Variants in NCAM1 observed in about 807,000 individuals in gnomAD.
NCAM1 encodes the protein neural cell adhesion molecule 1.
A neutral mutation model predicts 109.8 loss-of-function variants in NCAM1; 14 were observed. The ratio of observed to expected loss-of-function variants is 0.13; its 90% CI spans 0.08 to 0.20. NCAM1 has a LOEUF of 0.20. NCAM1 is among the 10% of genes least tolerant of loss of function. The probability of loss-of-function intolerance (pLI) is 1.00; values close to 1 mark genes in which losing one functional copy is unlikely to be tolerated. For synonymous variants in NCAM1, 418 were observed against 442.9 expected, an observed-to-expected ratio of 0.94 and a Z score of 0.70; for missense variants, 774 against 1,109.9, an observed-to-expected ratio of 0.70 and a Z score of 4.30.
At chr11:113,234,420 C>G (rs1369945637) in intron 13 of NCAM1, among the ~76,000 whole-genome samples, 8 of 152,168 alleles carry the variant, frequency 5.3e-5, no homozygotes, top group African/African-American at 1.9e-4. Flanking sequence ...AACTGAAACT[C>G]TGTACCCATT....
At chr11:113,062,782 G>A (rs956456663) in intron 1 of NCAM1, among the ~76,000 whole-genome samples, 1 of 152,036 alleles carries the variant, frequency 6.6e-6, no homozygotes, top group Admixed American at 6.6e-5. Context: ...GACCAGTCTG[G>A]GCAACATATT....
chr11:113,275,282 A>G lies in NCAM1; in HGVS notation c.2472A>G (p.Glu824=), dbSNP rs782305861. 1 of 1,613,810 alleles carries G rather than the reference A, an allele frequency of 6.2e-7. No individual in the cohort carries two copies. Among genetic ancestry groups the G allele is most frequent in the East Asian group, 2.2e-5 (1 of 44,874 alleles). The change falls in exon 20 of 20, where the codon GAA becomes GAG. Residue 824 remains glutamate, a synonymous_variant. Transcript: ENST00000316851. Reference sequence around the variant, plus strand: ...TTCTCTGCAGGAAGGGCCCCGTAGAAGCAAAGCCAGAGTGCCAGGAGACAG... The same window carrying G: ...TTCTCTGCAGGAAGGGCCCCGTAGAGGCAAAGCCAGAGTGCCAGGAGACAG... ...PLTEPEKGPV[E]AKPECQETET...
intron 1 of NCAM1, among the ~76,000 whole-genome samples, chr11:113,071,713 C>T (rs186955342): frequency 1.9e-3 from 293 of 152,300 alleles, no homozygotes; most frequent in South Asian, 9.3e-3. Flanking sequence ...GCGTGGGCCA[C>T]CATGCCCCCA....
chr11:113,164,861 G>T (rs1353603412), intron 1 of NCAM1, among the ~76,000 whole-genome samples: 1 of 152,106 alleles, frequency 6.6e-6, no homozygotes, highest in African/African-American at 2.4e-5. Flanking sequence ...AGGCTGTAGA[G>T]CAGGGCTGAA....
At chr11:113,006,803 G>T (rs1255885342) in intron 1 of NCAM1, among the ~76,000 whole-genome samples, 4 of 152,140 alleles carry the variant, frequency 2.6e-5, no homozygotes, top group African/African-American at 9.7e-5. Flanking sequence ...TCCAGCCGTG[G>T]GACAGGTGGT....
intron 1 of NCAM1, among the ~76,000 whole-genome samples, chr11:113,089,624 T>C (rs1939250104): frequency 6.6e-6 from 1 of 152,084 alleles, no homozygotes; most frequent in South Asian, 2.1e-4. Flanking sequence ...CTTTCCTGAC[T>C]TTAGGGTGGA....
Position 113,169,237 on chromosome 11 carries a change from C to T in NCAM1, c.53-33142C>T, listed in dbSNP as rs568722207. Among the ~76,000 whole-genome samples, 8 of 152,232 alleles carry T rather than the reference C, an allele frequency of 5.3e-5. No homozygotes were observed. In the South Asian group the frequency reaches 1.0e-3, roughly 20 times the overall value. On this transcript the variant is annotated intron_variant, in intron 1 of 19. Transcript: ENST00000316851. ...GTGGTTTAATGGGCAGCTAGACAGACGTGTTTGCCCACGTTATGAGGCTAG... is the reference window on the plus strand; with the variant it reads ...GTGGTTTAATGGGCAGCTAGACAGATGTGTTTGCCCACGTTATGAGGCTAG...
At chr11:113,072,826 T>TTA (rs1555085521) in intron 1 of NCAM1, among the ~76,000 whole-genome samples, 1 of 151,684 alleles carries the variant, frequency 6.6e-6, no homozygotes, top group African/African-American at 2.4e-5. Flanking sequence ...GTTTTTTATT[T>TTA]TTTTTTTCAT....
chr11:113,067,107 T>A (rs1938002341), intron 1 of NCAM1, among the ~76,000 whole-genome samples: 1 of 152,108 alleles, frequency 6.6e-6, no homozygotes, highest in Admixed American at 6.6e-5. Flanking sequence ...TGATTGCTGG[T>A]TTCTTTCCAC....
chr11:113,097,948 C>G (rs892580334), intron 1 of NCAM1, among the ~76,000 whole-genome samples: 10 of 152,126 alleles, frequency 6.6e-5, no homozygotes, highest in African/African-American at 2.4e-4. Flanking sequence ...ATAGCTGAAG[C>G]TTATGCTACC....
intron 14 of NCAM1, among the ~76,000 whole-genome samples, chr11:113,244,306 CT>C (rs1945433525): frequency 2.0e-5 from 3 of 152,182 alleles, no homozygotes; most frequent in African/African-American, 7.2e-5. Context: ...TGTCTCTCCC[CT>C]GACATGTCTT....
At chr11:113,054,544 A>G (rs1363358919) in intron 1 of NCAM1, among the ~76,000 whole-genome samples, 1 of 152,144 alleles carries the variant, frequency 6.6e-6, no homozygotes, top group Non-Finnish European at 1.5e-5. Flanking sequence ...CTCAGAAATT[A>G]CTTATAGCCT....
intron 15 of NCAM1, among the ~76,000 whole-genome samples, chr11:113,253,341 C>T (rs1224249094): frequency 6.6e-6 from 1 of 152,162 alleles, no homozygotes; most frequent in Admixed American, 6.5e-5. Flanking sequence ...TGGAGTGCAT[C>T]TCCCTAAAAT....
intron 1 of NCAM1, among the ~76,000 whole-genome samples, chr11:113,199,581 C>A (rs528942700): frequency 3.7e-5 from 5 of 135,034 alleles, no homozygotes; most frequent in Non-Finnish European, 7.7e-5. Flanking sequence ...ATAACTCTTC[C>A]TTTAAAAACT....
chr11:113,272,901 T>G, intron 19 of NCAM1: 1 of 456,670 alleles, frequency 2.2e-6, no homozygotes, highest in Non-Finnish European at 4.4e-6. Flanking sequence ...AGCTTCATTG[T>G]CTATTCTCTT....
At chr11:113,063,984 T>A (rs1009060264) in intron 1 of NCAM1, among the ~76,000 whole-genome samples, 4 of 152,260 alleles carry the variant, frequency 2.6e-5, no homozygotes, top group African/African-American at 9.6e-5. Flanking sequence ...CCAAATGTAG[T>A]CATATTTCTT....
chr11:113,262,806 AC>A, intron 17 of NCAM1: 2 of 1,608,232 alleles, frequency 1.2e-6, no homozygotes, highest in Non-Finnish European at 1.7e-6. Flanking sequence ...TTTTTAAACA[AC>A]CACATTATCT....
chr11:112,964,265 G>C (rs559177788), intron 1 of NCAM1, among the ~76,000 whole-genome samples: 19 of 150,390 alleles, frequency 1.3e-4, no homozygotes, highest in Admixed American at 2.0e-4. Flanking sequence ...ACCTTAATAC[G>C]TCAAGTGAGT....
chr11:113,019,547 T>C (rs369146957), intron 1 of NCAM1, among the ~76,000 whole-genome samples: 4 of 152,318 alleles, frequency 2.6e-5, no homozygotes, highest in East Asian at 1.9e-4. Context: ...CCTCTATCCA[T>C]CCTTAAATGC....
Sources: allele counts gnomAD v4.1 joint callset (sites outside exome capture counted in the v4.1 genomes callset), GRCh38; gene constraint gnomAD v4.1.1; transcripts MANE v1.5; gene names NCBI Gene and HGNC (gene_info 2026-07-23, HGNC 2026-07-21).